Variants in CD5 observed in about 807,000 individuals in gnomAD.
CD5 encodes CD5 molecule, also known as T-cell surface glycoprotein CD5.
Under a neutral mutation model 60.3 loss-of-function variants are expected in CD5, and 36 were observed. That is an observed-to-expected ratio of 0.60 (90% CI 0.46 to 0.79). CD5 has a LOEUF of 0.79. Ranked by LOEUF, CD5 falls within the 30% of genes least tolerant of loss-of-function variation. CD5 has a pLI of 0.00. For missense variants in CD5, 540 were observed against 630.6 expected, an observed-to-expected ratio of 0.86 and a Z score of 1.54; for synonymous variants, 230 against 257.6, an observed-to-expected ratio of 0.89 and a Z score of 1.03.
chr11:61,102,140 A>G (rs546241), upstream of CD5, among the ~76,000 whole-genome samples: 111,311 of 152,142 alleles, frequency 0.73, 42,358 homozygotes, highest in East Asian at 1. Context: ...GCCTCTCCCC[A>G]CCCAGACCCC....
intron 1 of CD5, among the ~76,000 whole-genome samples, chr11:61,112,509 T>C (rs549053340): frequency 6.6e-6 from 1 of 152,210 alleles, no homozygotes; most frequent in African/African-American, 2.4e-5. Flanking sequence ...TCGGGCGTGG[T>C]GGTGCATGTC....
chr11:61,125,309 C>T (rs949788061), intron 9 of CD5, among the ~76,000 whole-genome samples, 158 bp downstream of exon 9: 2 of 152,094 alleles, frequency 1.3e-5, no homozygotes, highest in Non-Finnish European at 2.9e-5. Flanking sequence ...AGCAGGGGTA[C>T]GGAAGGGATA....
chr11:61,125,181 C>A, intron 9 of CD5, 30 bp downstream of exon 9: 1 of 1,613,172 alleles, frequency 6.2e-7, no homozygotes, highest in Non-Finnish European at 8.5e-7. Context: ...CCCAGGCACG[C>A]AGGCAGGGCT....
intron 1 of CD5, among the ~76,000 whole-genome samples, chr11:61,104,062 G>T (rs944417162): frequency 3.9e-5 from 5 of 127,186 alleles, no homozygotes; most frequent in African/African-American, 1.7e-4. Flanking sequence ...GTGTGAGTCT[G>T]TGTGTGAGTC....
chr11:61,116,739 C>T, intron 2 of CD5, among the ~76,000 whole-genome samples: 1 of 131,186 alleles, frequency 7.6e-6, no homozygotes, highest in Non-Finnish European at 1.6e-5. Context: ...CACACACACA[C>T]CACATACACC....
intron 1 of CD5, 105 bp from the exon 2 acceptor site, chr11:61,114,951 G>A: frequency 1.9e-6 from 2 of 1,037,708 alleles, no homozygotes; most frequent in Middle Eastern, 2.0e-4. Context: ...ATAGTGGATA[G>A]GGGGAGGCAG....
At chr11:61,120,778 G>C (rs916085501) in intron 5 of CD5, among the ~76,000 whole-genome samples, 1 of 152,208 alleles carries the variant, frequency 6.6e-6, no homozygotes, top group Non-Finnish European at 1.5e-5. Flanking sequence ...GCTCCCAAGG[G>C]GCTCTTGGCC....
At chr11:61,111,676 C>T (rs546475924) in intron 1 of CD5, among the ~76,000 whole-genome samples, 14 of 152,376 alleles carry the variant, frequency 9.2e-5, no homozygotes, top group Admixed American at 2.6e-4. Flanking sequence ...GGACCATCTG[C>T]GCGAAGTTTC....
intron 7 of CD5, 73 bp from the exon 8 acceptor site, chr11:61,123,811 A>AAACCC: frequency 4.2e-5 from 11 of 262,092 alleles, no homozygotes; most frequent in Non-Finnish European, 7.1e-5. Context: ...GCCCAGCCCC[A>AAACCC]TCCCCACCCC....
chr11:61,101,534 C>T (rs1860687084), upstream of CD5, among the ~76,000 whole-genome samples: 2 of 150,700 alleles, frequency 1.3e-5, no homozygotes, highest in African/African-American at 4.9e-5. Context: ...ACACACACAA[C>T]ACAGAGATCA....
intron 1 of CD5, among the ~76,000 whole-genome samples, chr11:61,114,437 T>TAC (rs995273026): frequency 6.7e-6 from 1 of 149,032 alleles, no homozygotes; most frequent in Non-Finnish European, 1.5e-5. Context: ...CATCTCTACA[T>TAC]ACACACACAC....
In CD5 at chr11:61,119,579, A is replaced by C. The variant is rs756931333; in HGVS notation, c.805+4A>C. 58 of 1,600,404 alleles carry C rather than the reference A, an allele frequency of 3.6e-5. No homozygotes were observed. Among genetic ancestry groups the C allele is most frequent in the Non-Finnish European group, 4.9e-5 (57 of 1,174,792 alleles). On this transcript the variant is annotated splice_donor_region_variant and intron_variant, in intron 5 of 10. Coordinates refer to ENST00000347785, the MANE Select transcript of CD5 (RefSeq NM_014207.4). The stretch of plus-strand genomic sequence containing the variant: ...GTTCTTGCCCTCCTTTGCTCAGGTA[A>C]GTGAGACCTGGCCAAGCCCCATGAC...
rs767676626 is a variant in CD5 at position 61,102,585 on chromosome 11, C to G, written c.25C>G (p.Leu9Val). Residue 9 changes from leucine (L) to valine (V), a missense_variant, in exon 1 of 11, where the codon CTG becomes GTG. Transcript: ENST00000347785. MPMGSLQP[L>V]ATLYLLGMLV... Reference sequence around the variant, plus strand: ...CATGCCCATGGGGTCTCTGCAACCGCTGGCCACCTTGTACCTGCTGGGGAT... The same window carrying G: ...CATGCCCATGGGGTCTCTGCAACCGGTGGCCACCTTGTACCTGCTGGGGAT... 5 of 1,593,156 alleles carry G rather than the reference C, an allele frequency of 3.1e-6. No individual in the cohort carries two copies. The Admixed American group carries it at 8.7e-5, about 28-fold the overall frequency.
chr11:61,109,637 G>C (rs892505551), intron 1 of CD5, among the ~76,000 whole-genome samples: 6 of 152,146 alleles, frequency 3.9e-5, no homozygotes, highest in Non-Finnish European at 1.5e-5. Flanking sequence ...GGGGCAAGAG[G>C]AATGAGAGGG....
Position 61,122,943 on chromosome 11 carries a change from C to T in CD5, c.1136C>T (p.Thr379Met), listed in dbSNP as rs1861089731. 3.7e-6 allele frequency: 6 copies of T among 1,614,084 alleles called. No homozygotes were observed. Among genetic ancestry groups the T allele is most frequent in the East Asian group, 2.2e-5 (1 of 44,880 alleles). Residue 379 changes from threonine to methionine, a missense_variant, in exon 7 of 11, where the codon ACG (threonine) becomes ATG (methionine). By Grantham distance (81) the Thr-to-Met change is moderately conservative (BLOSUM62 -1). Coordinates refer to ENST00000347785, the MANE Select transcript of CD5 (RefSeq NM_014207.4). ...DPNPAGLAAG[T>M]VASIILALVL... ...AACCCCGCAGGCCTGGCCGCAGGCA[C>T]GGTGGCAAGCATCATCCTGGCCCTG...
chr11:61,124,921 C>T (rs1262444010), intron 8 of CD5, 111 bp from the exon 9 acceptor site: 1 of 1,354,514 alleles, frequency 7.4e-7, no homozygotes, highest in African/African-American at 1.4e-5. Flanking sequence ...TGCCTTTGTC[C>T]TCTCCCCGCT....
At chr11:61,094,028 T>C in the CD5 span, among the ~76,000 whole-genome samples, 2 of 152,082 alleles carry the variant, frequency 1.3e-5, no homozygotes, top group African/African-American at 4.8e-5. Flanking sequence ...TGAGGGGTTT[T>C]GTCTGTGGCT....
chr11:61,116,486 C>A (rs1702194192), intron 2 of CD5, among the ~76,000 whole-genome samples: 1 of 130,442 alleles, frequency 7.7e-6, no homozygotes, highest in Non-Finnish European at 1.6e-5. Context: ...CACATACACA[C>A]CCCACACACA....
At chr11:61,100,988 A>G (rs1379304160), upstream of CD5, among the ~76,000 whole-genome samples, 4 of 137,780 alleles carry the variant, frequency 2.9e-5, no homozygotes, top group Admixed American at 7.2e-5. Flanking sequence ...ACACATCAAC[A>G]TGGAGATCAC....
Sources: gnomAD v4.1 joint callset for allele counts (sites outside exome capture counted in the v4.1 genomes callset) on GRCh38, gnomAD v4.1.1 for gene constraint, MANE v1.5 for transcripts, NCBI Gene and HGNC (gene_info 2026-07-23, HGNC 2026-07-21) for gene names.